Variants in ADAMTS12 observed in about 807,000 individuals in gnomAD.
ADAMTS12 encodes the protein A disintegrin and metalloproteinase with thrombospondin motifs 12.
ADAMTS12 carries 118 observed loss-of-function variants against 167.8 expected under a neutral mutation model. The observed-to-expected ratio is 0.70, with a 90% CI of 0.61 to 0.82. The LOEUF is 0.82. ADAMTS12 is among the 40% of genes least tolerant of loss of function. ADAMTS12 has a pLI of 0.00. For missense variants in ADAMTS12, 1,916 were observed against 1,998.8 expected, an observed-to-expected ratio of 0.96 and a Z score of 0.79; for synonymous variants, 704 against 716.9, an observed-to-expected ratio of 0.98 and a Z score of 0.29.
In ADAMTS12 at chr5:33,724,545, C is replaced by CTT. The variant is rs763501455; in HGVS notation, c.634+26857_634+26858dup. Reference sequence around the variant, plus strand: ...GCTTGGTCATCAAGGCTAACAGCTTCTTTTTTTTTTTTTTTTTTTAATTTG... The same window carrying CTT: ...GCTTGGTCATCAAGGCTAACAGCTTCTTTTTTTTTTTTTTTTTTTTTAATTTG... On this transcript the variant is annotated intron_variant, in intron 3 of 23. Transcript: ENST00000504830. 2.7e-3 allele frequency among the ~76,000 whole-genome samples: 357 copies of CTT among 132,728 alleles called. 4 individuals are homozygous for CTT. Among genetic ancestry groups the CTT allele is most frequent in the African/African-American group, 9.2e-3 (333 of 36,102 alleles). 87.1% of individuals were successfully genotyped at this position (132,728 alleles called of 152,430 possible). A position where few individuals can be genotyped will look rare whatever the true frequency, so the allele number is the denominator to read the frequency against.
At chr5:33,884,322 G>A (rs1580020667) in intron 1 of ADAMTS12, among the ~76,000 whole-genome samples, 1 of 152,062 alleles carries the variant, frequency 6.6e-6, no homozygotes, top group African/African-American at 2.4e-5. Context: ...CCTTCCATGA[G>A]GTCTAAATCT....
chr5:33,793,069 A>G (rs1182879540), intron 2 of ADAMTS12, among the ~76,000 whole-genome samples: 3 of 152,336 alleles, frequency 2.0e-5, no homozygotes, highest in Admixed American at 2.0e-4. Flanking sequence ...GCCACAGTGG[A>G]TCACTGGGGT....
At chr5:33,536,876 T>C (rs1744441339) in intron 22 of ADAMTS12, among the ~76,000 whole-genome samples, 1 of 152,256 alleles carries the variant, frequency 6.6e-6, no homozygotes, top group Admixed American at 6.5e-5. Context: ...TCACATTGTA[T>C]CACATTTTCT....
chr5:33,657,066 T>C (rs1486396668), intron 7 of ADAMTS12, among the ~76,000 whole-genome samples: 1 of 152,146 alleles, frequency 6.6e-6, no homozygotes, highest in African/African-American at 2.4e-5. Context: ...TATAGAGTGG[T>C]GAAGGGAATT....
chr5:33,891,742 C>A lies in ADAMTS12; in HGVS notation c.115G>T (p.Asp39Tyr). The change falls in exon 1 of 24, where the codon GAC becomes TAC. Residue 39 changes from aspartate to tyrosine, a missense_variant. Asp to Tyr is a radical substitution (Grantham distance 160). Transcript: ENST00000504830. ...QPQPGPVRFP[D>Y]RRQEHFIKGL... is the part of the protein sequence containing the mutation. ...AAGAGTCACTAACCTTGCCTCCTGT[C>A]CGGGAAGCGAACCGGGCCTGGCTGA... 6.2e-7 allele frequency: 1 copy of A among 1,614,214 alleles called. No individual in the cohort carries two copies. Among genetic ancestry groups the A allele is most frequent in the Non-Finnish European group, 8.5e-7 (1 of 1,180,042 alleles).
chr5:33,598,666 A>G (rs1458624079), intron 16 of ADAMTS12, among the ~76,000 whole-genome samples: 2 of 152,242 alleles, frequency 1.3e-5, no homozygotes, highest in Non-Finnish European at 2.9e-5. Flanking sequence ...GTTAACCTAG[A>G]AAATGGTTTG....
At chr5:33,656,125 T>C (rs1306587753) in intron 7 of ADAMTS12, among the ~76,000 whole-genome samples, 1 of 152,160 alleles carries the variant, frequency 6.6e-6, no homozygotes, top group African/African-American at 2.4e-5. Flanking sequence ...AAAGAAACCT[T>C]ATAGTAGTTT....
At chr5:33,725,447 T>C (rs545647437) in intron 3 of ADAMTS12, among the ~76,000 whole-genome samples, 1 of 152,202 alleles carries the variant, frequency 6.6e-6, no homozygotes, top group Non-Finnish European at 1.5e-5. Flanking sequence ...CCCAGAACTT[T>C]CCCCACTTAT....
chr5:33,838,091 A>G (rs1433577861), intron 2 of ADAMTS12, among the ~76,000 whole-genome samples: 12 of 152,224 alleles, frequency 7.9e-5, no homozygotes, highest in Admixed American at 7.9e-4. Context: ...AAAGGATTAT[A>G]GAGAAGCTCC....
intron 2 of ADAMTS12, among the ~76,000 whole-genome samples, chr5:33,754,420 T>C (rs1745102465): frequency 6.6e-6 from 1 of 152,222 alleles, no homozygotes; most frequent in South Asian, 2.1e-4. Context: ...AGCCCTAGGC[T>C]AAAGCTCGAA....
chr5:33,778,214 A>C (rs1426484952), intron 2 of ADAMTS12, among the ~76,000 whole-genome samples: 1 of 152,188 alleles, frequency 6.6e-6, no homozygotes, highest in East Asian at 1.9e-4. Flanking sequence ...TCATAGTCAA[A>C]GCTATTTTGA....
intron 19 of ADAMTS12, among the ~76,000 whole-genome samples, chr5:33,566,168 A>G (rs1333723256): frequency 6.6e-6 from 1 of 152,216 alleles, no homozygotes; most frequent in Non-Finnish European, 1.5e-5. Flanking sequence ...GTTCAAATGG[A>G]ATAGCCAAAA....
intron 17 of ADAMTS12, among the ~76,000 whole-genome samples, chr5:33,592,090 G>A (rs1368595956): frequency 3.3e-5 from 5 of 151,990 alleles, no homozygotes; most frequent in East Asian, 3.9e-4. Flanking sequence ...TTAGCTGGGC[G>A]TGGTGGCACA....
chr5:33,597,810 A>T (rs539697060), intron 16 of ADAMTS12, among the ~76,000 whole-genome samples: 5 of 152,196 alleles, frequency 3.3e-5, no homozygotes, highest in Non-Finnish European at 7.3e-5. Context: ...GCTGACATGC[A>T]TCTGCCATTG....
chr5:33,643,601 C>A, intron 9 of ADAMTS12, 131 bp from the exon 10 acceptor site: 2 of 760,628 alleles, frequency 2.6e-6, no homozygotes, highest in Admixed American at 4.7e-5. Context: ...CTAAGAGTGA[C>A]AGAAAGCAAT....
At chr5:33,696,037 CACAGTCACTA>C in intron 3 of ADAMTS12, among the ~76,000 whole-genome samples, 1 of 144,234 alleles carries the variant, frequency 6.9e-6, no homozygotes, top group Admixed American at 6.8e-5. Context: ...ATCACTGATT[CACAGTCACTA>C]ACATGTGCTT....
intron 5 of ADAMTS12, among the ~76,000 whole-genome samples, chr5:33,671,916 A>T (rs1479470818): frequency 6.7e-6 from 1 of 148,386 alleles, no homozygotes; most frequent in Non-Finnish European, 1.5e-5. Flanking sequence ...ACTCACATAC[A>T]CACACACCCA....
rs1334824338 is a variant in ADAMTS12 at position 33,849,730 on chromosome 5, A to G, written c.489+31389T>C. ...TTGCATAGCAATATATAGTATCTAT[A>G]TATGTATTGCATAGCAATATATAGT... On this transcript the variant is annotated intron_variant, in intron 2 of 23. Coordinates refer to ENST00000504830, the MANE Select transcript of ADAMTS12 (RefSeq NM_030955.4). Among the ~76,000 whole-genome samples the G allele has an allele frequency of 7.3e-5, 11 of 149,820 alleles. No homozygotes were observed. In the Admixed American group the frequency reaches 7.4e-4, roughly 10 times the overall value.
chr5:33,886,168 C>G (rs1750630308), intron 1 of ADAMTS12, among the ~76,000 whole-genome samples: 1 of 152,158 alleles, frequency 6.6e-6, no homozygotes, highest in South Asian at 2.1e-4. Context: ...TTTGCCTATG[C>G]CCTAGCACCT....
Sources: allele counts gnomAD v4.1 joint callset (sites outside exome capture counted in the v4.1 genomes callset), GRCh38; gene constraint gnomAD v4.1.1; transcripts MANE v1.5; gene names NCBI Gene and HGNC (gene_info 2026-07-23, HGNC 2026-07-21).